Variants in TCF4 observed in about 807,000 individuals in gnomAD.
The protein encoded by TCF4 is SL3-3 enhancer factor 2.
A neutral mutation model predicts 82.1 loss-of-function variants in TCF4; 3 were observed. The ratio of observed to expected loss-of-function variants is 0.04; its 90% CI spans 0.02 to 0.09. The LOEUF (loss-of-function observed/expected upper bound fraction) is 0.09. TCF4 is among the 10% of genes least tolerant of loss of function. The pLI is 1.00. For missense variants in TCF4, 518 were observed against 852.7 expected, an observed-to-expected ratio of 0.61 and a Z score of 4.89; for synonymous variants, 276 against 309.6, an observed-to-expected ratio of 0.89 and a Z score of 1.14.
At chr18:55,616,910 T>A (rs1275508485) in intron 2 of TCF4, among the ~76,000 whole-genome samples, 1 of 152,138 alleles carries the variant, frequency 6.6e-6, no homozygotes. Flanking sequence ...TTTGTTGTTT[T>A]CTTAGCTGTG....
At chr18:55,324,914 T>C (rs2076300629) in intron 8 of TCF4, among the ~76,000 whole-genome samples, 1 of 152,200 alleles carries the variant, frequency 6.6e-6, no homozygotes, top group African/African-American at 2.4e-5. Context: ...CGATTCTTAT[T>C]TTCTTCTAGA....
chr18:55,358,656 C>T lies in TCF4; in HGVS notation c.370-7653G>A, dbSNP rs138985408. ...GCTAGTTCTCTGCTCCACACTCACC[C>T]GCTATCTTCTGTAAACTTGTTTTTT... On this transcript the variant is annotated intron_variant, in intron 6 of 19. Coordinates refer to ENST00000354452, the MANE Select transcript of TCF4 (RefSeq NM_001083962.2). Among the ~76,000 whole-genome samples, 12 of 152,366 alleles carry T rather than the reference C, an allele frequency of 7.9e-5. No homozygotes were observed. The East Asian group carries it at 1.7e-3, about 22-fold the overall frequency.
chr18:55,439,423 T>G (rs2147298452), intron 5 of TCF4, among the ~76,000 whole-genome samples: 1 of 152,218 alleles, frequency 6.6e-6, no homozygotes, highest in African/African-American at 2.4e-5. Flanking sequence ...ATGAACACAC[T>G]GAAATCAATG....
chr18:55,432,345 C>T (rs979236041), intron 5 of TCF4, among the ~76,000 whole-genome samples: 10 of 152,066 alleles, frequency 6.6e-5, no homozygotes, highest in Non-Finnish European at 7.4e-5. Context: ...TCCTTTGCAG[C>T]GCTGAACAGA....
Position 55,223,700 on chromosome 18 carries a change from A to G in TCF4, c.*4335T>C, listed in dbSNP as rs2046175675. The G allele has an allele frequency of 8.0e-6, 1 of 124,596 alleles. No homozygotes were observed. The highest frequency in any genetic ancestry group is 2.1e-4 in the East Asian group (1 of 4,820). The allele number at this position is 124,596 out of a possible 1,614,324, so 7.7% of individuals were successfully genotyped here. A position where few individuals can be genotyped will look rare whatever the true frequency, so the allele number is the denominator to read the frequency against. ...GTTTATCTTTTTTTTTTTTTTTGAA[A>G]TGTTTTCCCTTTTTTTTTTTTTAAC... On this transcript the variant is annotated 3_prime_UTR_variant, in exon 20 of 20. Coordinates refer to ENST00000354452, the MANE Select transcript of TCF4 (RefSeq NM_001083962.2).
intron 8 of TCF4, among the ~76,000 whole-genome samples, chr18:55,323,339 C>T (rs1207525706): frequency 6.6e-6 from 1 of 152,136 alleles, no homozygotes; most frequent in East Asian, 1.9e-4. Context: ...CACCTATTTC[C>T]TTACAACTCA....
intron 9 of TCF4, among the ~76,000 whole-genome samples, chr18:55,278,038 A>G (rs2061800024): frequency 1.3e-5 from 2 of 152,176 alleles, no homozygotes. Context: ...CACGGGCTCT[A>G]TTATGCGTGG....
At chr18:55,392,534 C>T (rs1184059155) in intron 6 of TCF4, among the ~76,000 whole-genome samples, 1 of 151,596 alleles carries the variant, frequency 6.6e-6, no homozygotes, top group African/African-American at 2.4e-5. Context: ...CAGTCATCAC[C>T]TCATATTTAT....
chr18:55,512,624 A>C (rs1296021467), intron 3 of TCF4, among the ~76,000 whole-genome samples: 1 of 152,064 alleles, frequency 6.6e-6, no homozygotes, highest in African/African-American at 2.4e-5. Context: ...AATTTCAAGG[A>C]TCTCATAGTC....
intron 8 of TCF4, among the ~76,000 whole-genome samples, chr18:55,309,589 C>A (rs1479225203): frequency 6.6e-6 from 1 of 152,166 alleles, no homozygotes; most frequent in Non-Finnish European, 1.5e-5. Flanking sequence ...CCGAAGCTTA[C>A]AACTGTATTT....
intron 3 of TCF4, among the ~76,000 whole-genome samples, chr18:55,564,348 C>T (rs978287166): frequency 6.6e-6 from 1 of 152,188 alleles, no homozygotes; most frequent in African/African-American, 2.4e-5. Context: ...AGAAAGCATG[C>T]TCTGTTTGAC....
At chr18:55,426,494 G>C (rs1454430138) in intron 5 of TCF4, among the ~76,000 whole-genome samples, 1 of 152,144 alleles carries the variant, frequency 6.6e-6, no homozygotes, top group East Asian at 1.9e-4. Context: ...TTCTACATTT[G>C]TATTTCCATC....
At chr18:55,317,878 G>C (rs2147370372) in intron 8 of TCF4, among the ~76,000 whole-genome samples, 1 of 152,126 alleles carries the variant, frequency 6.6e-6, no homozygotes, top group Admixed American at 6.5e-5. Context: ...TTATGGACTT[G>C]AAAAGCTGCA....
At chr18:55,385,068 G>A (rs776392868) in intron 6 of TCF4, among the ~76,000 whole-genome samples, 5 of 145,114 alleles carry the variant, frequency 3.4e-5, no homozygotes, top group African/African-American at 1.3e-4. Context: ...CCCCCACCCC[G>A]TCTCACTTCT....
chr18:55,431,689 C>T (rs920612798), intron 5 of TCF4, among the ~76,000 whole-genome samples: 1 of 151,928 alleles, frequency 6.6e-6, no homozygotes, highest in African/African-American at 2.4e-5. Context: ...TGGCAGCAGG[C>T]GGTGATGAGA....
At chr18:55,333,459 AC>A (rs2077999174) in intron 8 of TCF4, among the ~76,000 whole-genome samples, 1 of 151,896 alleles carries the variant, frequency 6.6e-6, no homozygotes, top group South Asian at 2.1e-4. Flanking sequence ...GAAAAAAAAA[AC>A]AAAACAAAAC....
At chr18:55,621,018 A>G (rs949443038) in intron 2 of TCF4, among the ~76,000 whole-genome samples, 1 of 152,130 alleles carries the variant, frequency 6.6e-6, no homozygotes, top group Non-Finnish European at 1.5e-5. Context: ...AGCTATTGTG[A>G]TCTGGTAGTA....
intron 5 of TCF4, among the ~76,000 whole-genome samples, chr18:55,405,112 G>T (rs1603448936): frequency 6.6e-6 from 1 of 152,206 alleles, no homozygotes; most frequent in African/African-American, 2.4e-5. Context: ...TCAGCAGTGT[G>T]AATGGTCACA....
At chr18:55,239,230 C>G (rs1181551159) in intron 15 of TCF4, among the ~76,000 whole-genome samples, 1 of 152,200 alleles carries the variant, frequency 6.6e-6, no homozygotes, top group Non-Finnish European at 1.5e-5. Flanking sequence ...GCTTGACAAA[C>G]TGATAGAAAC....
Sources: allele counts gnomAD v4.1 joint callset (sites outside exome capture counted in the v4.1 genomes callset), GRCh38; gene constraint gnomAD v4.1.1; transcripts MANE v1.5; gene names NCBI Gene and HGNC (gene_info 2026-07-23, HGNC 2026-07-21).